The following PPP2R2C variants were observed in gnomAD, a reference collection of about 807,000 sequenced individuals.
The protein encoded by PPP2R2C is protein phosphatase 2 regulatory subunit Bgamma.
PPP2R2C carries 10 observed loss-of-function variants against 45.3 expected under a neutral mutation model. The ratio of observed to expected loss-of-function variants is 0.22; its 90% CI spans 0.14 to 0.37. PPP2R2C has a LOEUF of 0.37. Ranked by LOEUF, PPP2R2C falls within the 10% of genes least tolerant of loss-of-function variation. The probability of loss-of-function intolerance (pLI) is 1.00; values close to 1 mark genes in which losing one functional copy is unlikely to be tolerated. For missense variants in PPP2R2C, 308 were observed against 619.7 expected, an observed-to-expected ratio of 0.50 and a Z score of 5.34; for synonymous variants, 257 against 245.4, an observed-to-expected ratio of 1.05 and a Z score of -0.44.
At position 6,542,468 on chromosome 4, in the gene PPP2R2C, C is replaced by T. The variant is rs149748603; in HGVS notation, c.-58-7091G>A. Among the ~76,000 whole-genome samples the T allele has an allele frequency of 2.5e-3, 377 of 152,142 alleles. 1 individual carries two copies. The highest frequency in any genetic ancestry group is 0.017 in the Middle Eastern group (5 of 294). On this transcript the variant is annotated intron_variant, in intron 1 of 9. Coordinates refer to the PPP2R2C transcript ENST00000506140. ...CAGCACTGTGGGAGGCCAAAGTGGG[C>T]GAATCACCTGAAGTCAGGAGTTCAA...
chr4:6,510,990 C>CAAAAAAAA (rs1389589810), intron 2 of PPP2R2C, among the ~76,000 whole-genome samples: 2 of 130,912 alleles, frequency 1.5e-5, no homozygotes, highest in Non-Finnish European at 1.5e-5. Flanking sequence ...CAAAAAAAAA[C>CAAAAAAAA]AAACAAACAA....
chr4:6,361,241 G>A (rs1036065925), intron 5 of PPP2R2C, among the ~76,000 whole-genome samples: 2 of 152,142 alleles, frequency 1.3e-5, no homozygotes, highest in Non-Finnish European at 2.9e-5. Flanking sequence ...CTATTTCACC[G>A]CTCACTGCAC....
chr4:6,323,667 G>C (rs1243342978), intron 8 of PPP2R2C, 74 bp from the exon 9 acceptor site: 1 of 1,395,870 alleles, frequency 7.2e-7, no homozygotes, highest in African/African-American at 1.4e-5. Context: ...CAGGTGTGGG[G>C]GCTCACGCCC....
intron 1 of PPP2R2C, among the ~76,000 whole-genome samples, chr4:6,434,381 CAG>C (rs1301946829): frequency 4.1e-5 from 2 of 48,806 alleles, no homozygotes; most frequent in Non-Finnish European, 7.9e-5. Flanking sequence ...TTTTTGGAGA[CAG>C]AGTCTCACAC....
chr4:6,535,583 G>C (rs1235033545), intron 1 of PPP2R2C, among the ~76,000 whole-genome samples: 3 of 152,144 alleles, frequency 2.0e-5, no homozygotes, highest in African/African-American at 4.8e-5. Flanking sequence ...TTCCAAATCT[G>C]TGAAATGGGG....
intron 5 of PPP2R2C, chr4:6,351,415 G>A: frequency 1.0e-6 from 1 of 977,414 alleles, no homozygotes; most frequent in South Asian, 4.7e-5. Flanking sequence ...GCAACCCAGG[G>A]CCGGCTGAGG....
intron 1 of PPP2R2C, among the ~76,000 whole-genome samples, chr4:6,470,953 CCGCCCGCGCCCG>C (rs903613614): frequency 1.2e-4 from 18 of 151,482 alleles, no homozygotes; most frequent in South Asian, 6.2e-4. Flanking sequence ...CGCCCCGAGC[CCGCCCGCGCCCG>C]CGCTCGCGCT....
chr4:6,526,383 C>G (rs868679493), intron 2 of PPP2R2C, among the ~76,000 whole-genome samples: 9 of 152,336 alleles, frequency 5.9e-5, no homozygotes, highest in African/African-American at 2.2e-4. Context: ...AGAAAGCTCT[C>G]GGCGCTCAGT....
chr4:6,486,752 G>A (rs1480212304), intron 2 of PPP2R2C, among the ~76,000 whole-genome samples: 1 of 151,976 alleles, frequency 6.6e-6, no homozygotes, highest in Non-Finnish European at 1.5e-5. Context: ...TTTCAAGTGG[G>A]TTGCATGTAG....
chr4:6,510,373 T>C (rs76527668), intron 2 of PPP2R2C, among the ~76,000 whole-genome samples: 11,549 of 152,192 alleles, frequency 0.076, 812 homozygotes, highest in African/African-American at 0.19. Flanking sequence ...TCTCTGGTCT[T>C]GGTTCAAATG....
chr4:6,510,972 G>A (rs1424445924), intron 2 of PPP2R2C, among the ~76,000 whole-genome samples: 6 of 95,122 alleles, frequency 6.3e-5, no homozygotes, highest in South Asian at 4.3e-4. Context: ...GTGAGACTCC[G>A]TCTCAAACAA....
rs571486327 is a variant in PPP2R2C, at chr4:6,383,216, G to C, written c.71-2122C>G. The C allele has an allele frequency of 3.3e-5, 40 of 1,194,386 alleles. No individual in the cohort carries two copies. In the African/African-American group the frequency reaches 5.9e-4, roughly 18 times the overall value. 74.0% of individuals were successfully genotyped at this position (1,194,386 alleles called of 1,614,324 possible). A position where few individuals can be genotyped will look rare whatever the true frequency, so the allele number is the denominator to read the frequency against. On this transcript the variant is annotated intron_variant, in intron 1 of 8. Coordinates refer to ENST00000382599, the MANE Select transcript of PPP2R2C (RefSeq NM_020416.4). ...CCCACTGGCCCCTGAGGGGGAGGAGGAAGAGTGGGTGCAGAAGAACCCCCC... is the reference window on the plus strand; with the variant it reads ...CCCACTGGCCCCTGAGGGGGAGGAGCAAGAGTGGGTGCAGAAGAACCCCCC...
intron 2 of PPP2R2C, among the ~76,000 whole-genome samples, chr4:6,517,983 C>T (rs576118004): frequency 5.9e-5 from 9 of 152,056 alleles, no homozygotes; most frequent in Non-Finnish European, 1.2e-4. Flanking sequence ...TCATGCAAAG[C>T]GGAAAAAGAA....
intron 8 of PPP2R2C, among the ~76,000 whole-genome samples, chr4:6,323,949 A>G (rs1202165149): frequency 6.6e-6 from 1 of 152,094 alleles, no homozygotes; most frequent in Non-Finnish European, 1.5e-5. Flanking sequence ...GTCCCAAAAC[A>G]ACAAACAAAT....
At chr4:6,439,094 G>T (rs994334015) in intron 1 of PPP2R2C, among the ~76,000 whole-genome samples, 5 of 152,186 alleles carry the variant, frequency 3.3e-5, no homozygotes, top group Middle Eastern at 3.2e-3. Flanking sequence ...AGGCAAGAAT[G>T]AAATATATAG....
chr4:6,327,537 G>C (rs961463415), intron 8 of PPP2R2C, among the ~76,000 whole-genome samples: 12 of 152,344 alleles, frequency 7.9e-5, no homozygotes, highest in Non-Finnish European at 1.8e-4. Context: ...ATAAAAGCTG[G>C]AATCAGCTTG....
chr4:6,541,440 T>TC (rs980994025), intron 1 of PPP2R2C, among the ~76,000 whole-genome samples: 1 of 152,158 alleles, frequency 6.6e-6, no homozygotes, highest in African/African-American at 2.4e-5. Flanking sequence ...CCACATAGGT[T>TC]CCCTGTCACA....
chr4:6,504,788 C>T (rs28767570), intron 2 of PPP2R2C, among the ~76,000 whole-genome samples: 69,754 of 151,882 alleles, frequency 0.46, 17,031 homozygotes, highest in East Asian at 0.78. Context: ...AAATAATAAC[C>T]CAGCCTCAGG....
intron 2 of PPP2R2C, among the ~76,000 whole-genome samples, chr4:6,521,168 T>C (rs1168372894): frequency 2.6e-5 from 4 of 152,190 alleles, no homozygotes; most frequent in Non-Finnish European, 4.4e-5. Flanking sequence ...CACCACTGCA[T>C]GTTGTCTGAA....
Sources: gnomAD v4.1 joint callset for allele counts (sites outside exome capture counted in the v4.1 genomes callset) on GRCh38, gnomAD v4.1.1 for gene constraint, MANE v1.5 for transcripts, NCBI Gene and HGNC (gene_info 2026-07-23, HGNC 2026-07-21) for gene names.